The following KANK1 variants were observed in gnomAD, a reference collection of about 807,000 sequenced individuals.
KANK1 encodes the protein KN motif and ankyrin repeat domain-containing protein 1.
A neutral mutation model predicts 106.2 loss-of-function variants in KANK1; 109 were observed. The ratio of observed to expected loss-of-function variants is 1.03; its 90% confidence interval spans 0.88 to 1.20. The LOEUF is 1.20. KANK1 is among the 50% of genes most tolerant of loss of function. KANK1 has a pLI of 0.00. For synonymous variants in KANK1, 873 were observed against 652.2 expected (o/e 1.34, Z -5.16); for missense variants, 2,399 against 1,710.7 (o/e 1.40, Z -7.10).
intron 1 of KANK1, among the ~76,000 whole-genome samples, chr9:543,590 G>A (rs7048037): frequency 6.7e-5 from 10 of 150,028 alleles, no homozygotes; most frequent in Admixed American, 2.7e-4. Flanking sequence ...TTGAAAATCC[G>A]CAAGCTTCAG....
Position 742,066 on chromosome 9 carries a change from C to T in KANK1, c.3697-139C>T, listed in dbSNP as rs530190891. The T allele has an allele frequency of 5.5e-6, 4 of 726,480 alleles. No individual in the cohort carries two copies. In the South Asian group the frequency reaches 7.1e-5, roughly 13 times the overall value. The allele number at this position is 726,480 out of a possible 1,614,324, so 45.0% of individuals were successfully genotyped here. ...GCTGGTTTCTCCCTGCTTGCCACCA[C>T]CTGCCCCAAGTAGTTCCATCGCCAG... On this transcript the variant is annotated intron_variant, in intron 9 of 11. Coordinates refer to ENST00000382297, the MANE Select transcript of KANK1 (RefSeq NM_015158.5).
intron 4 of KANK1, 184 bp downstream of exon 4, chr9:730,432 C>G (rs1431384684): frequency 1.5e-6 from 1 of 648,962 alleles, no homozygotes; most frequent in Non-Finnish European, 2.6e-6. Context: ...TGGCTCACAC[C>G]TGTGATCCCA....
chr9:517,393 C>G (rs774870790), intron 1 of KANK1, among the ~76,000 whole-genome samples: 1 of 151,742 alleles, frequency 6.6e-6, no homozygotes, highest in South Asian at 2.1e-4. Flanking sequence ...TGAGCCACTG[C>G]GGCCCGGCTG....
chr9:672,094 A>G (rs560052411), intron 1 of KANK1, among the ~76,000 whole-genome samples: 2 of 152,328 alleles, frequency 1.3e-5, no homozygotes, highest in East Asian at 1.9e-4. Context: ...CTAAGTTCTC[A>G]TTTGTTAAAA....
chr9:552,193 G>T (rs1055678704), intron 1 of KANK1, among the ~76,000 whole-genome samples: 14 of 152,204 alleles, frequency 9.2e-5, no homozygotes, highest in African/African-American at 3.4e-4. Flanking sequence ...CTCTGAGGGG[G>T]AAAAGCGGAA....
chr9:667,988 C>T (rs532795998), intron 1 of KANK1, among the ~76,000 whole-genome samples: 2 of 152,168 alleles, frequency 1.3e-5, no homozygotes, highest in Non-Finnish European at 2.9e-5. Flanking sequence ...ACCTCAGCCT[C>T]CCAAAGTACT....
At chr9:562,143 C>T (rs911929336) in intron 1 of KANK1, among the ~76,000 whole-genome samples, 15 of 143,728 alleles carry the variant, frequency 1.0e-4, no homozygotes, top group African/African-American at 3.3e-4. Context: ...AGCTCCGCTT[C>T]CCGGGTTCAC....
At position 706,734 on chromosome 9, in the gene KANK1, G is replaced by A. The variant is rs1029871016; in HGVS notation, c.38-4070G>A. On this transcript the variant is annotated intron_variant, in intron 2 of 11. Coordinates refer to ENST00000382297, the MANE Select transcript of KANK1 (RefSeq NM_015158.5). ...CCACGTGTCATAAGCCCAGGGCTGA[G>A]AAGAGTCAGGCAGTGCTCTGGAACC... is the stretch of plus-strand genomic sequence containing the variant. 8.2e-6 allele frequency: 8 copies of A among 971,372 alleles called. No individual in the cohort carries two copies. The African/African-American group carries it at 1.2e-4, about 15-fold the overall frequency. The allele number at this position is 971,372 out of a possible 1,614,324, so 60.2% of individuals were successfully genotyped here.
intron 1 of KANK1, among the ~76,000 whole-genome samples, chr9:528,647 C>A (rs2059918214): frequency 6.6e-6 from 1 of 151,684 alleles, no homozygotes. Flanking sequence ...GCCACCATGC[C>A]CAGCTAATTT....
chr9:525,717 TG>T (rs1240485331), intron 1 of KANK1, among the ~76,000 whole-genome samples: 1 of 151,620 alleles, frequency 6.6e-6, no homozygotes, highest in African/African-American at 2.4e-5. Context: ...TAATAAGTGT[TG>T]CATTTTTATT....
chr9:735,071 T>A (rs558782859), intron 7 of KANK1, among the ~76,000 whole-genome samples: 1 of 152,246 alleles, frequency 6.6e-6, no homozygotes, highest in East Asian at 1.9e-4. Context: ...TTTCCTGGGG[T>A]GGAGGCATCT....
chr9:671,532 C>T (rs1354524361), intron 1 of KANK1, among the ~76,000 whole-genome samples: 3 of 16,810 alleles, frequency 1.8e-4, no homozygotes, highest in Non-Finnish European at 3.2e-4. Context: ...AGGAGAATGG[C>T]GTGAACCCGG....
chr9:685,721 T>C (rs529769417), intron 2 of KANK1, among the ~76,000 whole-genome samples: 3 of 152,350 alleles, frequency 2.0e-5, no homozygotes, highest in South Asian at 4.1e-4. Flanking sequence ...TTTTATTCCA[T>C]TGGAAAAGTT....
Position 620,472 on chromosome 9 carries a change from G to T in KANK1, c.-83-56418G>T, listed in dbSNP as rs532588172. Among the ~76,000 whole-genome samples, 1,212 of 151,936 alleles carry T rather than the reference G, an allele frequency of 8.0e-3. 19 individuals are homozygous for T. Among genetic ancestry groups the T allele is most frequent in the African/African-American group, 0.028 (1,143 of 41,352 alleles). Reference sequence around the variant, plus strand: ...GGAGAACAATGAATGGCGTGATTTCGGCTCACGGCAACCTACACCTCCCAG... The same window carrying T: ...GGAGAACAATGAATGGCGTGATTTCTGCTCACGGCAACCTACACCTCCCAG... On this transcript the variant is annotated intron_variant, in intron 1 of 11. Coordinates refer to ENST00000382297, the MANE Select transcript of KANK1 (RefSeq NM_015158.5).
intron 10 of KANK1, among the ~76,000 whole-genome samples, chr9:743,694 C>T (rs1192968599): frequency 3.3e-5 from 5 of 151,854 alleles, no homozygotes; most frequent in Non-Finnish European, 5.9e-5. Context: ...GTGAGACTCC[C>T]ATCTCTACAA....
At chr9:716,743 C>T (rs549483744) in intron 3 of KANK1, among the ~76,000 whole-genome samples, 8 of 152,154 alleles carry the variant, frequency 5.3e-5, no homozygotes, top group Non-Finnish European at 1.2e-4. Context: ...CTTAAAATTA[C>T]AACTAGAGCA....
chr9:529,476 G>A (rs1286744640), intron 1 of KANK1, among the ~76,000 whole-genome samples: 2 of 146,162 alleles, frequency 1.4e-5, no homozygotes, highest in Non-Finnish European at 3.0e-5. Flanking sequence ...TGGGATTACA[G>A]GTGTGAGCCA....
chr9:480,054 G>A (rs1003135436), intron 3 of KANK1, among the ~76,000 whole-genome samples: 3 of 152,116 alleles, frequency 2.0e-5, no homozygotes, highest in East Asian at 1.9e-4. Flanking sequence ...AAACTTTAAC[G>A]GAGTTCCCTT....
intron 2 of KANK1, chr9:684,165 A>G (rs1260266882): frequency 2.1e-5 from 21 of 985,162 alleles, no homozygotes; most frequent in Admixed American, 1.2e-4. Flanking sequence ...GCTTCGCCTT[A>G]TAAGCTTTCT....
Sources: allele counts gnomAD v4.1 joint callset (sites outside exome capture counted in the v4.1 genomes callset), GRCh38; gene constraint gnomAD v4.1.1; transcripts MANE v1.5; gene names NCBI Gene and HGNC (gene_info 2026-07-23, HGNC 2026-07-21).